The following TRRAP variants were observed in gnomAD, a reference collection of about 807,000 sequenced individuals.
TRRAP encodes the protein transformation/transcription domain-associated protein.
Under a neutral mutation model 438.8 loss-of-function variants are expected in TRRAP, and 41 were observed. The ratio of observed to expected loss-of-function variants is 0.09; its 90% CI spans 0.07 to 0.12. The LOEUF (loss-of-function observed/expected upper bound fraction) is 0.12, where lower values mean the gene tolerates loss of function less well. Ranked by LOEUF, TRRAP falls within the 10% of genes least tolerant of loss-of-function variation. TRRAP has a pLI of 1.00. For synonymous variants in TRRAP, 1,994 were observed against 1,962.9 expected, an observed-to-expected ratio of 1.02 and a Z score of -0.42; for missense variants, 3,122 against 5,055.1, an observed-to-expected ratio of 0.62 and a Z score of 11.60.
intron 20 of TRRAP, among the ~76,000 whole-genome samples, chr7:98,919,182 C>T (rs1379980113): frequency 2.0e-5 from 3 of 152,140 alleles, no homozygotes; most frequent in Non-Finnish European, 4.4e-5. Context: ...GATGGAGGCT[C>T]AGTTACTCCT....
Position 99,008,571 on chromosome 7 carries a change from G to A in TRRAP, c.10938+10G>A, listed in dbSNP as rs1322206228. 6.8e-6 allele frequency: 11 copies of A among 1,612,010 alleles called. No individual in the cohort carries two copies. The highest frequency in any genetic ancestry group is 1.3e-5 in the African/African-American group (1 of 74,942). On this transcript the variant is annotated intron_variant, in intron 70 of 72. Coordinates refer to ENST00000456197, the MANE Select transcript of TRRAP (RefSeq NM_001375524.1). ...CCAAGCCAGCCACCAGGTAGCAGTGGGGCCGGGCCGGGGGCCGAGCTGCCG... is the reference window on the plus strand; with the variant it reads ...CCAAGCCAGCCACCAGGTAGCAGTGAGGCCGGGCCGGGGGCCGAGCTGCCG...
chr7:99,011,669 T>G lies in TRRAP; in HGVS notation c.11337+134T>G. On this transcript the variant is annotated intron_variant, in intron 72 of 72. Coordinates refer to ENST00000456197, the MANE Select transcript of TRRAP (RefSeq NM_001375524.1). This position sits in a 1 kb window ranked among gnomAD's most constrained non-coding sequence, Gnocchi z 7.1. ...CACAGTGGCCAGCACCCCTGTGTGT[T>G]ATGTCCTTTGCTGTGAGGGCAAGGG... 1 of 1,064,110 alleles carries G rather than the reference T, an allele frequency of 9.4e-7. No individual in the cohort carries two copies. The highest frequency in any genetic ancestry group is 1.6e-5 in the South Asian group (1 of 60,658). The allele number at this position is 1,064,110 out of a possible 1,614,324, so 65.9% of individuals were successfully genotyped here.
intron 49 of TRRAP, 129 bp from the exon 50 acceptor site, chr7:98,966,912 G>C (rs1792184009): frequency 1.1e-6 from 1 of 911,682 alleles, no homozygotes; most frequent in Non-Finnish European, 1.6e-6. Flanking sequence ...CAAAGATAAA[G>C]CCATCTTTGC....
At chr7:98,917,845 G>T (rs1298594865) in intron 20 of TRRAP, among the ~76,000 whole-genome samples, 166 bp downstream of exon 20, 4 of 152,070 alleles carry the variant, frequency 2.6e-5, no homozygotes, top group Admixed American at 6.6e-5. Context: ...AAGAAGGCCG[G>T]GCACGGTGTC....
chr7:98,926,947 A>G (rs1271450149), intron 22 of TRRAP, among the ~76,000 whole-genome samples: 1 of 152,158 alleles, frequency 6.6e-6, no homozygotes, highest in African/African-American at 2.4e-5. Flanking sequence ...TGAACCTGGG[A>G]GGTAGAGGTT....
At chr7:98,943,361 A>G (rs1253251248) in intron 31 of TRRAP, among the ~76,000 whole-genome samples, 4 of 152,182 alleles carry the variant, frequency 2.6e-5, no homozygotes, top group East Asian at 1.9e-4. Flanking sequence ...TGCTGTCTAC[A>G]TGGTGGTGCG....
In TRRAP at chr7:98,993,519, TTG is replaced by T. The variant is rs1362129215; in HGVS notation, c.9848-11_9848-10del. On this transcript the variant is annotated splice_polypyrimidine_tract_variant and intron_variant, in intron 65 of 72. Transcript: ENST00000456197. ...TGTCGGTTTTGCGCTGACACTGGCG[TTG>T]TGTGTGTTGCTCTCAGATTCTGGAC... 7 of 1,606,210 alleles carry T rather than the reference TTG, an allele frequency of 4.4e-6. No homozygotes were observed. Among genetic ancestry groups the T allele is most frequent in the Non-Finnish European group, 4.2e-6 (5 of 1,179,916 alleles).
Position 98,916,737 on chromosome 7 carries a change from G to A in TRRAP, c.2366-686G>A, listed in dbSNP as rs139385533. Among the ~76,000 whole-genome samples, 576 of 152,202 alleles carry A rather than the reference G, an allele frequency of 3.8e-3. 10 individuals carry two copies. Among genetic ancestry groups the A allele is most frequent in the African/African-American group, 0.013 (548 of 41,522 alleles). On this transcript the variant is annotated intron_variant, in intron 19 of 72. Transcript: ENST00000456197. Reference sequence around the variant, plus strand: ...CCCCCAAGGGGTGTTCCTCCCTCCCGGTCTCATTCAAGCTGACCCTGTGCT... The same window carrying A: ...CCCCCAAGGGGTGTTCCTCCCTCCCAGTCTCATTCAAGCTGACCCTGTGCT...
chr7:98,912,333 T>G, intron 18 of TRRAP, 120 bp downstream of exon 18: 1 of 1,037,970 alleles, frequency 9.6e-7, no homozygotes, highest in Non-Finnish European at 1.3e-6. Context: ...TCCACCTGCC[T>G]TGATCTCCCC....
chr7:98,882,363 CTTTT>C (rs531239628), intron 3 of TRRAP, among the ~76,000 whole-genome samples: 3 of 138,182 alleles, frequency 2.2e-5, no homozygotes, highest in Admixed American at 7.3e-5. Context: ...TCTTTTCTTT[CTTTT>C]TTTTTTTTTT....
Position 98,912,223 on chromosome 7 carries a change from A to G in TRRAP, c.2199+10A>G. 6.2e-7 allele frequency: 1 copy of G among 1,612,204 alleles called. No homozygotes were observed. ...TGAACAAATGCTGAAGGTAAAGTCC[A>G]TTTAATCTAAGTAGTGCTTCTGTTC... On this transcript the variant is annotated intron_variant, in intron 18 of 72. Coordinates refer to ENST00000456197, the MANE Select transcript of TRRAP (RefSeq NM_001375524.1).
intron 33 of TRRAP, among the ~76,000 whole-genome samples, chr7:98,947,981 C>A (rs1005814736): frequency 6.6e-6 from 1 of 152,188 alleles, no homozygotes; most frequent in Non-Finnish European, 1.5e-5. Flanking sequence ...TGTACACCGT[C>A]GGCCCCTCCA....
In TRRAP at chr7:98,964,693, C is replaced by T. The variant is rs778900327; in HGVS notation, c.6894C>T (p.Ser2298=). The stretch of plus-strand genomic sequence containing the variant: ...CCAGCTACATAGACAGGCTGATCTC[C>T]GTCTTTATGCGCTCCCTGCAGAAGA... ...NNPSYIDRLI[S]VFMRSLQKMV... is the part of the protein sequence containing the mutation. Residue 2298 remains serine (S), a synonymous_variant, in exon 48 of 73, where the codon TCC becomes TCT. Coordinates refer to ENST00000456197, the MANE Select transcript of TRRAP (RefSeq NM_001375524.1). 51 of 1,613,936 alleles carry T rather than the reference C, an allele frequency of 3.2e-5. 1 individual carries two copies. Among genetic ancestry groups the T allele is most frequent in the South Asian group, 8.8e-5 (8 of 91,050 alleles).
At position 98,993,659 on chromosome 7, in the gene TRRAP, G is replaced by C; in HGVS notation, c.9969G>C (p.Glu3323Asp). ...RCSRIMHMQR[E>D]LHPTLLSSLE... Reference sequence around the variant, plus strand: ...GCCGAATCATGCACATGCAGCGAGAGCTCCACCCCACCCTTCTGTCTTCCC... The same window carrying C: ...GCCGAATCATGCACATGCAGCGAGACCTCCACCCCACCCTTCTGTCTTCCC... Residue 3323 changes from glutamate (E) to aspartate (D), a missense_variant, in exon 66 of 73, where the codon GAG becomes GAC. Physicochemically the swap from Glu to Asp is conservative, Grantham distance 45 (BLOSUM62 2). Around this residue, in one of 24 missense-constraint regions of TRRAP, gnomAD observed 107 missense variants for 327.5 expected, o/e 0.33. Transcript: ENST00000456197. 1 of 1,614,210 alleles carries C rather than the reference G, an allele frequency of 6.2e-7. No individual in the cohort carries two copies. The highest frequency in any genetic ancestry group is 1.3e-5 in the African/African-American group (1 of 75,052).
chr7:98,954,175 G>A (rs373764678), intron 40 of TRRAP, among the ~76,000 whole-genome samples: 353 of 151,954 alleles, frequency 2.3e-3, no homozygotes, highest in African/African-American at 7.7e-3. Flanking sequence ...TGGGCACCCC[G>A]GGTTTGAGGC....
chr7:98,966,298 T>C (rs1413535600), intron 49 of TRRAP, among the ~76,000 whole-genome samples: 2 of 151,604 alleles, frequency 1.3e-5, no homozygotes, highest in African/African-American at 4.9e-5. Flanking sequence ...AGAGCAAGAC[T>C]CTGTCTTGGA....
In TRRAP at chr7:99,011,108, CAAG is replaced by C; in HGVS notation, c.10996_10998del (p.Lys3666del). 6.2e-7 allele frequency: 1 copy of C among 1,614,180 alleles called. No homozygotes were observed. The highest frequency in any genetic ancestry group is 8.5e-7 in the Non-Finnish European group (1 of 1,180,040). ...GTAACATGGTGCCGCGCAGCATGCT[CAAG>C]GAGTGGGCGCTGCACACCTTCCCCA... On this transcript the variant is annotated inframe_deletion, in exon 71 of 73. Transcript: ENST00000456197. This position sits in a 1 kb window ranked among gnomAD's most constrained non-coding sequence, Gnocchi z 7.1.
Position 98,971,806 on chromosome 7 carries a change from A to C in TRRAP, c.7700A>C (p.Glu2567Ala), listed in dbSNP as rs139990927. Reference protein sequence around the residue: ...ENSESKEEDVEIDIELAPGDQ... With the variant: ...ENSESKEEDVAIDIELAPGDQ... ...TGCTGCTTTGTTTCTTAGGATGTAG[A>C]GATAGACATCGAACTAGCTCCTGGG... Residue 2567 changes from glutamate (E) to alanine (A), a missense_variant, in exon 53 of 73, where the codon GAG becomes GCG. By Grantham distance (107) the Glu-to-Ala change is moderately radical. Coordinates refer to ENST00000456197, the MANE Select transcript of TRRAP (RefSeq NM_001375524.1). 1 of 1,613,796 alleles carries C rather than the reference A, an allele frequency of 6.2e-7. No individual in the cohort carries two copies. Among genetic ancestry groups the C allele is most frequent in the Non-Finnish European group, 8.5e-7 (1 of 1,179,972 alleles).
In TRRAP at chr7:98,949,804, C is replaced by T; in HGVS notation, c.5098C>T (p.Pro1700Ser). The change falls in exon 37 of 73, where the codon CCC (proline) becomes TCC (serine). Residue 1700 changes from proline (P) to serine (S), a missense_variant. Transcript: ENST00000456197. Reference protein sequence around the residue: ...ENMAATNWKEPKLLAYCLLNY... With the variant: ...ENMAATNWKESKLLAYCLLNY... ...CATGGCAGCCACCAACTGGAAGGAG[C>T]CCAAGCTGCTGGCCTACTGCCTGCT... The T allele has an allele frequency of 6.2e-7, 1 of 1,613,724 alleles. No individual in the cohort carries two copies. Among genetic ancestry groups the T allele is most frequent in the Non-Finnish European group, 8.5e-7 (1 of 1,179,978 alleles).
Sources: allele counts gnomAD v4.1 joint callset (sites outside exome capture counted in the v4.1 genomes callset), GRCh38; gene constraint gnomAD v4.1.1; regional missense constraint gnomAD v4.1.1; non-coding constraint Gnocchi (gnomAD v3.1); transcripts MANE v1.5; gene names NCBI Gene and HGNC (gene_info 2026-07-23, HGNC 2026-07-21).